Variants in ZUP1 observed in about 807,000 individuals in gnomAD.
ZUP1 encodes the protein zinc finger-containing ubiquitin peptidase 1.
In ZUP1, 55 loss-of-function variants were observed where a neutral mutation model predicts 68.1. The ratio of observed to expected loss-of-function variants is 0.81; its 90% confidence interval spans 0.65 to 1.01. The LOEUF (loss-of-function observed/expected upper bound fraction) is 1.01. Among genes scored for constraint, ZUP1 ranks in the 50% least tolerant of loss-of-function variants. ZUP1 has a pLI of 0.00. For missense variants in ZUP1, 684 were observed against 674.9 expected, an observed-to-expected ratio of 1.01 and a Z score of -0.15; for synonymous variants, 223 against 221.5, an observed-to-expected ratio of 1.01 and a Z score of -0.06.
intron 9 of ZUP1, among the ~76,000 whole-genome samples, chr6:116,644,648 A>T (rs1346622029): frequency 6.1e-5 from 9 of 147,422 alleles, no homozygotes; most frequent in African/African-American, 2.2e-4. Context: ...ATGAGAACAC[A>T]TGGACACAGG....
intron 9 of ZUP1, among the ~76,000 whole-genome samples, chr6:116,642,013 G>T (rs569773193): frequency 1.2e-4 from 18 of 152,032 alleles, no homozygotes; most frequent in African/African-American, 4.3e-4. Context: ...TATCACCACC[G>T]ATCCCACAGA....
intron 2 of ZUP1, among the ~76,000 whole-genome samples, chr6:116,663,588 T>C (rs1180299563): frequency 6.6e-6 from 1 of 152,176 alleles, no homozygotes; most frequent in Non-Finnish European, 1.5e-5. Context: ...TTTTCATTAT[T>C]AGCAGATAAT....
chr6:116,658,825 A>G lies in ZUP1; in HGVS notation c.770T>C (p.Ile257Thr), dbSNP rs952000124. Residue 257 changes from isoleucine (I) to threonine (T), a missense_variant, in exon 4 of 10, where the codon ATA (isoleucine) becomes ACA (threonine). Coordinates refer to ENST00000368576, the MANE Select transcript of ZUP1 (RefSeq NM_145062.3). ...KRRSEESRQE[I>T]EEFQKLQRQY... ...TACCTGCAGCTTCTGAAATTCTTCT[A>G]TTTCTTGTCTTGATTCTTCAGATCT... 1 of 1,597,388 alleles carries G rather than the reference A, an allele frequency of 6.3e-7. No individual in the cohort carries two copies. Among genetic ancestry groups the G allele is most frequent in the Non-Finnish European group, 8.5e-7 (1 of 1,169,678 alleles).
intron 7 of ZUP1, among the ~76,000 whole-genome samples, chr6:116,649,426 G>C (rs1445872240): frequency 6.6e-6 from 1 of 152,084 alleles, no homozygotes; most frequent in Non-Finnish European, 1.5e-5. Flanking sequence ...GACAGGAAAA[G>C]AGCTCACATC....
intron 3 of ZUP1, among the ~76,000 whole-genome samples, chr6:116,659,263 G>A (rs1053799114): frequency 2.0e-5 from 3 of 152,274 alleles, no homozygotes; most frequent in African/African-American, 7.2e-5. Flanking sequence ...CTGAGTAGCT[G>A]GGATTACAGG....
In ZUP1 at chr6:116,667,090, T is replaced by C. The variant is rs1777037146; in HGVS notation, c.103A>G (p.Lys35Glu). The C allele has an allele frequency of 1.2e-6, 2 of 1,613,650 alleles. No individual in the cohort carries two copies. Reference protein sequence around the residue: ...MESEIICPFCKLSGVNYDEMC... With the variant: ...MESEIICPFCELSGVNYDEMC... Reference sequence around the variant, plus strand: ...TCATCATAATTCACACCTGACAACTTGCAAAATGGACATATAATTTCACTT... The same window carrying C: ...TCATCATAATTCACACCTGACAACTCGCAAAATGGACATATAATTTCACTT... The change falls in exon 2 of 10, where the codon AAG (lysine) becomes GAG (glutamate). Residue 35 changes from lysine (K) to glutamate (E), a missense_variant. Transcript: ENST00000368576.
intron 7 of ZUP1, among the ~76,000 whole-genome samples, chr6:116,649,437 T>C (rs1029690812): frequency 1.3e-5 from 2 of 151,668 alleles, no homozygotes; most frequent in Non-Finnish European, 2.9e-5. Context: ...AGCTCACATC[T>C]TCAGAAAATG....
chr6:116,639,976 T>C (rs1292883587), intron 9 of ZUP1, among the ~76,000 whole-genome samples: 1 of 151,996 alleles, frequency 6.6e-6, no homozygotes, highest in Non-Finnish European at 1.5e-5. Flanking sequence ...GAATAACCAA[T>C]ACAGAGAAGT....
chr6:116,659,180 A>G (rs1470668582), intron 3 of ZUP1, among the ~76,000 whole-genome samples: 1 of 152,156 alleles, frequency 6.6e-6, no homozygotes, highest in African/African-American at 2.4e-5. Context: ...CCCAGGCTGG[A>G]GTACAATGGT....
Position 116,667,473 on chromosome 6 carries a change from G to GA in ZUP1, c.-15-267dup, listed in dbSNP as rs200391424. 6.2e-3 allele frequency among the ~76,000 whole-genome samples: 941 copies of GA among 151,776 alleles called. 11 individuals carry two copies. The highest frequency in any genetic ancestry group is 0.022 in the African/African-American group (918 of 41,358). ...AAAAATGTCTCTGGCCCAAGGTGGA[G>GA]AAAAAATAACGTTTAAAAAATTGTC... On this transcript the variant is annotated intron_variant, in intron 1 of 9. Transcript: ENST00000368576.
Position 116,651,597 on chromosome 6 carries a change from T to C in ZUP1, c.1291A>G (p.Ile431Val). The change falls in exon 7 of 10, where the codon ATA (isoleucine) becomes GTA (valine). Residue 431 changes from isoleucine to valine, a missense_variant. Coordinates refer to ENST00000368576, the MANE Select transcript of ZUP1 (RefSeq NM_145062.3). ...TTTACCCTTAGGGAGGTCAGGAGTA[T>C]ATATACTTCACATGCTCCAATCCAG... ...KAWIGACEVY[I>V]LLTSLRVKCH... 6.2e-7 allele frequency: 1 copy of C among 1,613,728 alleles called. No individual in the cohort carries two copies. Among genetic ancestry groups the C allele is most frequent in the Non-Finnish European group, 8.5e-7 (1 of 1,179,728 alleles).
chr6:116,639,327 G>A (rs1173974150), intron 9 of ZUP1, among the ~76,000 whole-genome samples: 1 of 152,198 alleles, frequency 6.6e-6, no homozygotes, highest in Non-Finnish European at 1.5e-5. Flanking sequence ...ACAGCTTTGA[G>A]GAGAGCAGTG....
At chr6:116,637,331 A>G (rs1046912727) in intron 9 of ZUP1, among the ~76,000 whole-genome samples, 3 of 152,200 alleles carry the variant, frequency 2.0e-5, no homozygotes, top group African/African-American at 7.2e-5. Context: ...TGTGGATTAA[A>G]TTAGTTAACA....
At chr6:116,644,640 G>A (rs1276979798) in intron 9 of ZUP1, among the ~76,000 whole-genome samples, 20 of 150,970 alleles carry the variant, frequency 1.3e-4, no homozygotes, top group Non-Finnish European at 2.4e-4. Context: ...ATTGAACAAT[G>A]AGAACACATG....
At position 116,667,145 on chromosome 6, in the gene ZUP1, G is replaced by T; in HGVS notation, c.48C>A (p.Asp16Glu). The change falls in exon 2 of 10, where the codon GAC (aspartate) becomes GAA (glutamate). Residue 16 changes from aspartate (D) to glutamate (E), a missense_variant. By Grantham distance (45) the Asp-to-Glu change is conservative (BLOSUM62 2). Transcript: ENST00000368576. ...TGTGAACAATTAGGTGAGCTTTCAT[G>T]TCTGGTTCTGAGGTTACTGTTTCAC... ...ICGETVTSEP[D>E]MKAHLIVHME... The T allele has an allele frequency of 6.2e-7, 1 of 1,610,720 alleles. No homozygotes were observed. The highest frequency in any genetic ancestry group is 8.5e-7 in the Non-Finnish European group (1 of 1,178,332).
chr6:116,651,484 A>T, intron 7 of ZUP1, 88 bp downstream of exon 7: 3 of 1,166,458 alleles, frequency 2.6e-6, no homozygotes, highest in Non-Finnish European at 3.5e-6. Context: ...TTTTATTTTT[A>T]AACTATCTCT....
intron 3 of ZUP1, 57 bp from the exon 4 acceptor site, chr6:116,658,981 A>G: frequency 7.3e-7 from 1 of 1,372,418 alleles, no homozygotes; most frequent in Non-Finnish European, 9.8e-7. Context: ...AAGATTATTT[A>G]TTATTTAATA....
chr6:116,639,522 C>T (rs1386531146), intron 9 of ZUP1, among the ~76,000 whole-genome samples: 1 of 152,196 alleles, frequency 6.6e-6, no homozygotes, highest in East Asian at 1.9e-4. Context: ...CAGCAGCATT[C>T]GCGGTTCACG....
intron 4 of ZUP1, among the ~76,000 whole-genome samples, chr6:116,658,574 A>G (rs1180677739): frequency 6.6e-6 from 1 of 152,194 alleles, no homozygotes; most frequent in Non-Finnish European, 1.5e-5. Context: ...GGGGCGTGGG[A>G]GGGCCTAAAG....
Sources: allele counts gnomAD v4.1 joint callset (sites outside exome capture counted in the v4.1 genomes callset), GRCh38; gene constraint gnomAD v4.1.1; transcripts MANE v1.5; gene names NCBI Gene and HGNC (gene_info 2026-07-23, HGNC 2026-07-21).